The following CCDC138 variants were observed in gnomAD, a reference collection of about 807,000 sequenced individuals.
CCDC138 encodes the protein coiled-coil domain-containing protein 138.
CCDC138 carries 66 observed loss-of-function variants against 82.3 expected under a neutral mutation model. The observed-to-expected ratio is 0.80, with a 90% CI of 0.66 to 0.98. CCDC138 has a LOEUF of 0.98. CCDC138 is among the 50% of genes least tolerant of loss of function. The probability of loss-of-function intolerance (pLI) is 0.00; values close to 1 mark genes in which losing one functional copy is unlikely to be tolerated. For synonymous variants in CCDC138, 297 were observed against 265.4 expected, an observed-to-expected ratio of 1.12 and a Z score of -1.16; for missense variants, 816 against 758.9, an observed-to-expected ratio of 1.08 and a Z score of -0.88.
At chr2:108,813,789 T>A (rs1373180142) in intron 9 of CCDC138, among the ~76,000 whole-genome samples, 1 of 152,208 alleles carries the variant, frequency 6.6e-6, no homozygotes, top group Admixed American at 6.5e-5. Flanking sequence ...TACCCTTTCC[T>A]GGTCATTCTT....
intron 7 of CCDC138, among the ~76,000 whole-genome samples, chr2:108,806,735 A>C (rs1315735613): frequency 6.6e-6 from 1 of 152,246 alleles, no homozygotes; most frequent in Non-Finnish European, 1.5e-5. Context: ...GAAATTGCTG[A>C]AGAAAAAGAT....
chr2:108,834,446 C>T (rs944408037), intron 10 of CCDC138, among the ~76,000 whole-genome samples: 1 of 151,064 alleles, frequency 6.6e-6, no homozygotes, highest in Non-Finnish European at 1.5e-5. Context: ...AACAGCTGAC[C>T]TTAGGTGATC....
chr2:108,831,521 AT>A (rs1218124033), intron 10 of CCDC138, among the ~76,000 whole-genome samples: 2 of 152,224 alleles, frequency 1.3e-5, no homozygotes, highest in African/African-American at 2.4e-5. Context: ...TTTCATGAAA[AT>A]ATGAAATGGC....
chr2:108,788,128 T>G (rs1679227507), intron 2 of CCDC138, 39 bp downstream of exon 2: 2 of 1,586,472 alleles, frequency 1.3e-6, no homozygotes, highest in Non-Finnish European at 1.7e-6. Flanking sequence ...TTTCAAAAAT[T>G]TAATTTGAGG....
chr2:108,869,470 C>T (rs1694913501), intron 13 of CCDC138, among the ~76,000 whole-genome samples: 1 of 152,090 alleles, frequency 6.6e-6, no homozygotes, highest in Admixed American at 6.6e-5. Context: ...AGGGCACATA[C>T]AGGGAATGCG....
intron 3 of CCDC138, among the ~76,000 whole-genome samples, chr2:108,789,560 C>T (rs1486049747): frequency 2.0e-5 from 3 of 152,192 alleles, no homozygotes; most frequent in Non-Finnish European, 4.4e-5. Context: ...TGCCATTGCA[C>T]TCCAGCCTGG....
At chr2:108,860,797 C>G (rs926207665) in intron 13 of CCDC138, among the ~76,000 whole-genome samples, 4 of 151,888 alleles carry the variant, frequency 2.6e-5, no homozygotes, top group African/African-American at 9.7e-5. Flanking sequence ...ATTTTGGCAT[C>G]AGTATGATAC....
At chr2:108,871,057 CATT>C (rs1298248859) in intron 13 of CCDC138, among the ~76,000 whole-genome samples, 2 of 152,018 alleles carry the variant, frequency 1.3e-5, no homozygotes, top group Admixed American at 6.5e-5. Flanking sequence ...AAATAGCCGT[CATT>C]AATGTTAGGT....
At chr2:108,831,430 T>C (rs1687597896) in intron 10 of CCDC138, among the ~76,000 whole-genome samples, 1 of 152,184 alleles carries the variant, frequency 6.6e-6, no homozygotes. Context: ...ACTTTTTTAT[T>C]ATGTTTGGAT....
intron 9 of CCDC138, among the ~76,000 whole-genome samples, chr2:108,813,248 C>CAAA (rs371435296): frequency 0.65 from 41,436 of 63,454 alleles, 16,086 homozygotes; most frequent in East Asian, 0.84. Context: ...GACTCCGTCT[C>CAAA]AAAAAAAAAA....
chr2:108,867,512 G>A (rs1191928356), intron 13 of CCDC138, among the ~76,000 whole-genome samples: 1 of 152,104 alleles, frequency 6.6e-6, no homozygotes, highest in African/African-American at 2.4e-5. Flanking sequence ...GAGTGTCTTT[G>A]TCCTTGGACT....
chr2:108,858,976 A>G (rs1004356897), intron 13 of CCDC138, among the ~76,000 whole-genome samples: 2 of 152,216 alleles, frequency 1.3e-5, no homozygotes, highest in Non-Finnish European at 2.9e-5. Context: ...AGCTGCTGCA[A>G]TAAGCATGAG....
intron 11 of CCDC138, among the ~76,000 whole-genome samples, chr2:108,840,982 TTGTGTTTTTTGTGTG>T (rs976596869): frequency 6.6e-6 from 1 of 151,744 alleles, no homozygotes; most frequent in African/African-American, 2.4e-5. Context: ...TGGCTAATTT[TTGTGTTTTTTGTGTG>T]TGTGTTTTTT....
chr2:108,797,494 GA>G (rs1681102669), intron 5 of CCDC138, among the ~76,000 whole-genome samples: 1 of 152,172 alleles, frequency 6.6e-6, no homozygotes, highest in African/African-American at 2.4e-5. Flanking sequence ...ATTCTGAAAT[GA>G]GAGACCTCAG....
At chr2:108,786,974 C>A in intron 1 of CCDC138, 59 bp downstream of exon 1, 1 of 1,208,606 alleles carries the variant, frequency 8.3e-7, no homozygotes, top group South Asian at 1.9e-5. Flanking sequence ...CGGCCCGCTC[C>A]GTGCCCCGCG....
At chr2:108,841,002 T>TG (rs1292257784) in intron 11 of CCDC138, among the ~76,000 whole-genome samples, 23 of 151,296 alleles carry the variant, frequency 1.5e-4, no homozygotes, top group African/African-American at 5.1e-4. Flanking sequence ...TGTGTGTGTG[T>TG]TTTTTGTTTG....
chr2:108,866,829 G>T (rs1307598611), intron 13 of CCDC138, among the ~76,000 whole-genome samples: 2 of 151,724 alleles, frequency 1.3e-5, no homozygotes, highest in Non-Finnish European at 2.9e-5. Context: ...TTTGCAGTGA[G>T]CCGAGATCAC....
intron 12 of CCDC138, among the ~76,000 whole-genome samples, chr2:108,851,680 G>A (rs974012373): frequency 7.2e-5 from 11 of 152,260 alleles, no homozygotes; most frequent in Admixed American, 7.2e-4. Flanking sequence ...TCTCTCTGGG[G>A]AGGATGTTAA....
chr2:108,840,487 T>C (rs1689266998), intron 11 of CCDC138, among the ~76,000 whole-genome samples: 1 of 152,186 alleles, frequency 6.6e-6, no homozygotes, highest in South Asian at 2.1e-4. Flanking sequence ...TTTTAAATTA[T>C]GAATTTAAGT....
Sources: allele counts gnomAD v4.1 joint callset (sites outside exome capture counted in the v4.1 genomes callset), GRCh38; gene constraint gnomAD v4.1.1; transcripts MANE v1.5; gene names NCBI Gene and HGNC (gene_info 2026-07-23, HGNC 2026-07-21).